Variants in PID1 observed in about 807,000 individuals in gnomAD.
PID1 encodes the protein phosphotyrosine interaction domain containing 1.
A neutral mutation model predicts 19.1 loss-of-function variants in PID1; 10 were observed. That is an observed-to-expected ratio of 0.52 (90% CI 0.32 to 0.89). The LOEUF (loss-of-function observed/expected upper bound fraction) is 0.89. Ranked by LOEUF, PID1 falls within the 40% of genes least tolerant of loss-of-function variation. The pLI is 0.03. For missense variants in PID1, 248 were observed against 285.3 expected (o/e 0.87, Z 0.94); for synonymous variants, 130 against 116.0 (o/e 1.12, Z -0.78).
chr2:229,044,183 C>A (rs1693828696), intron 2 of PID1, among the ~76,000 whole-genome samples: 1 of 152,110 alleles, frequency 6.6e-6, no homozygotes, highest in African/African-American at 2.4e-5. Flanking sequence ...CTGTGCTTTT[C>A]CCAAAACCCT....
At chr2:229,064,914 C>T (rs772725279) in intron 2 of PID1, among the ~76,000 whole-genome samples, 8 of 152,048 alleles carry the variant, frequency 5.3e-5, no homozygotes, top group Non-Finnish European at 8.8e-5. Flanking sequence ...ATGCTGGAGT[C>T]ATGGAATGGT....
At chr2:229,141,682 G>C (rs563615625) in intron 2 of PID1, among the ~76,000 whole-genome samples, 18 of 152,128 alleles carry the variant, frequency 1.2e-4, no homozygotes, top group African/African-American at 3.4e-4. Context: ...CAGCTTACAG[G>C]GTAACTTTCC....
chr2:229,182,785 T>C lies in PID1; in HGVS notation c.31-26821A>G, dbSNP rs535380897. On this transcript the variant is annotated intron_variant, in intron 1 of 2. Transcript: ENST00000392055. The stretch of plus-strand genomic sequence containing the variant: ...TCACTTTCTGATCAAGTTGTGGATC[T>C]ATGCCCAGGTCTGGGGAAATCCACA... 9.2e-5 allele frequency among the ~76,000 whole-genome samples: 14 copies of C among 152,362 alleles called. 1 individual carries two copies. In the East Asian group the frequency reaches 2.7e-3, roughly 29 times the overall value.
intron 1 of PID1, among the ~76,000 whole-genome samples, chr2:229,189,012 G>C (rs989655665): frequency 2.8e-4 from 43 of 152,160 alleles, no homozygotes; most frequent in African/African-American, 9.9e-4. Flanking sequence ...TACATCAAAG[G>C]CACGCCTGAA....
At chr2:229,133,332 C>A (rs753362626) in intron 2 of PID1, among the ~76,000 whole-genome samples, 2 of 152,234 alleles carry the variant, frequency 1.3e-5, no homozygotes, top group Non-Finnish European at 2.9e-5. Context: ...GTAGAAAACA[C>A]AAACACAATT....
chr2:229,026,791 G>A (rs1477678673), intron 2 of PID1, among the ~76,000 whole-genome samples: 4 of 152,346 alleles, frequency 2.6e-5, no homozygotes, highest in East Asian at 3.9e-4. Context: ...GAAGAATCAA[G>A]AGTAGAATGC....
chr2:229,148,146 T>C lies in PID1; in HGVS notation c.177+7672A>G, dbSNP rs181364576. ...TTTAATTCCTAGTATGAAAAGATTT[T>C]AGTCAATAAATAACAAAAGTGAGGT... is the stretch of plus-strand genomic sequence containing the variant. On this transcript the variant is annotated intron_variant, in intron 2 of 2. Transcript: ENST00000392055. Among the ~76,000 whole-genome samples the C allele has an allele frequency of 1.0e-3, 159 of 152,354 alleles. 1 individual carries two copies. The highest frequency in any genetic ancestry group is 1.4e-3 in the Non-Finnish European group (93 of 68,034).
In PID1 at chr2:229,197,898, T is replaced by C. The variant is rs190589844; in HGVS notation, c.31-41934A>G. 9.2e-5 allele frequency among the ~76,000 whole-genome samples: 14 copies of C among 152,152 alleles called. No homozygotes were observed. In the East Asian group the frequency reaches 2.7e-3, roughly 29 times the overall value. Reference sequence around the variant, plus strand: ...TCAAATGCATTTCATTCAAATGCATTCATCAAAGACAATGCTCTGAAAAAC... The same window carrying C: ...TCAAATGCATTTCATTCAAATGCATCCATCAAAGACAATGCTCTGAAAAAC... On this transcript the variant is annotated intron_variant, in intron 1 of 2. Transcript: ENST00000392055.
At chr2:229,138,987 G>GAAAGAAAGAA (rs1689918418) in intron 2 of PID1, among the ~76,000 whole-genome samples, 1 of 57,342 alleles carries the variant, frequency 1.7e-5, no homozygotes, top group Non-Finnish European at 3.5e-5. Flanking sequence ...ATAGAAGAAA[G>GAAAGAAAGAA]AAAGAAAGAA....
At chr2:229,254,986 G>A (rs894421952) in intron 1 of PID1, among the ~76,000 whole-genome samples, 8 of 152,166 alleles carry the variant, frequency 5.3e-5, no homozygotes, top group African/African-American at 1.7e-4. Flanking sequence ...AAACAGATTC[G>A]AGGAGAGAGA....
chr2:229,233,896 C>T (rs1312936520), intron 1 of PID1, among the ~76,000 whole-genome samples: 1 of 152,154 alleles, frequency 6.6e-6, no homozygotes, highest in African/African-American at 2.4e-5. Flanking sequence ...AATCAACAAA[C>T]ATTTATTATT....
chr2:229,242,596 C>T (rs1040452501), intron 1 of PID1, among the ~76,000 whole-genome samples: 13 of 152,102 alleles, frequency 8.5e-5, no homozygotes, highest in Non-Finnish European at 1.6e-4. Context: ...CCTCTGCCAC[C>T]TCCTCAACCC....
intron 2 of PID1, among the ~76,000 whole-genome samples, chr2:229,028,970 C>T (rs1693485749): frequency 6.6e-6 from 1 of 152,024 alleles, no homozygotes; most frequent in Non-Finnish European, 1.5e-5. Flanking sequence ...ACACAAGAAC[C>T]CCTCTGACTA....
chr2:229,216,664 T>C (rs1046604362), intron 1 of PID1, among the ~76,000 whole-genome samples: 2 of 152,162 alleles, frequency 1.3e-5, no homozygotes, highest in East Asian at 3.9e-4. Context: ...TTTTACAAAG[T>C]ATTTCTTAAA....
At chr2:229,099,585 G>A (rs1415186590) in intron 2 of PID1, among the ~76,000 whole-genome samples, 3 of 152,112 alleles carry the variant, frequency 2.0e-5, no homozygotes, top group African/African-American at 7.2e-5. Flanking sequence ...ATGTTAGAAT[G>A]GCATTCTGAA....
intron 1 of PID1, among the ~76,000 whole-genome samples, chr2:229,169,148 G>A (rs1391043866): frequency 6.6e-6 from 1 of 152,162 alleles, no homozygotes; most frequent in East Asian, 1.9e-4. Flanking sequence ...ACACTCTCAT[G>A]CTAGCCCACA....
At chr2:229,094,785 A>G (rs556430663) in intron 2 of PID1, among the ~76,000 whole-genome samples, 8 of 152,288 alleles carry the variant, frequency 5.3e-5, no homozygotes, top group African/African-American at 1.9e-4. Flanking sequence ...AAATTCCTAA[A>G]ATATGTACAA....
At chr2:229,155,724 A>T in intron 2 of PID1, 94 bp downstream of exon 2, 1 of 1,138,394 alleles carries the variant, frequency 8.8e-7, no homozygotes, top group Non-Finnish European at 1.2e-6. Context: ...TTTCATTCTT[A>T]AAAATGATTA....
intron 1 of PID1, among the ~76,000 whole-genome samples, chr2:229,221,518 C>T (rs1178491010): frequency 6.6e-6 from 1 of 152,158 alleles, no homozygotes; most frequent in Non-Finnish European, 1.5e-5. Context: ...CCTCAAACTA[C>T]TCCTTCCCCA....
Sources: gnomAD v4.1 joint callset for allele counts (sites outside exome capture counted in the v4.1 genomes callset) on GRCh38, gnomAD v4.1.1 for gene constraint, MANE v1.5 for transcripts, NCBI Gene and HGNC (gene_info 2026-07-23, HGNC 2026-07-21) for gene names.